Variants in AFF2 observed in about 807,000 individuals in gnomAD.
AFF2 encodes AF4/FMR2 family member 2.
A neutral mutation model predicts 76.9 loss-of-function variants in AFF2; 14 were observed. The observed-to-expected ratio is 0.18, with a 90% CI of 0.12 to 0.28. The LOEUF (loss-of-function observed/expected upper bound fraction) is 0.28, where lower values mean the gene tolerates loss of function less well. Among genes scored for constraint, AFF2 ranks in the 10% least tolerant of loss-of-function variants. The pLI is 1.00. For synonymous variants in AFF2, 398 were observed against 366.7 expected, an observed-to-expected ratio of 1.09 and a Z score of -0.98; for missense variants, 868 against 1,001.1, an observed-to-expected ratio of 0.87 and a Z score of 1.79.
chrX:148,502,363 T>C (rs2052363232), intron 1 of AFF2, among the ~76,000 whole-genome samples: 1 of 112,518 alleles, frequency 8.9e-6, no homozygotes, highest in Non-Finnish European at 1.9e-5. Flanking sequence ...ATTTCCTTCT[T>C]TAAAAAAGGG....
At position 148,662,107 on chromosome X, in the gene AFF2, A is replaced by T; in HGVS notation, c.380A>T (p.Gln127Leu). The change falls in exon 3 of 21, where the codon CAG becomes CTG. Residue 127 changes from glutamine (Q) to leucine (L), a missense_variant. Transcript: ENST00000370460. ...AAGAACAGAATAATTCCACCTCACC[A>T]GGATAATACCCATCCTTCAGCACCA... ...EQKNRIIPPH[Q>L]DNTHPSAPMP... is the part of the protein sequence containing the mutation. 3.3e-6 allele frequency: 4 copies of T among 1,208,721 alleles called. No homozygotes were observed. The highest frequency in any genetic ancestry group is 4.5e-6 in the Non-Finnish European group (4 of 892,562).
At chrX:148,939,745 G>T (rs1044923112) in intron 9 of AFF2, among the ~76,000 whole-genome samples, 1 of 111,550 alleles carries the variant, frequency 9.0e-6, no homozygotes, top group Non-Finnish European at 1.9e-5. Flanking sequence ...TACTTTCTTG[G>T]TATTAGCCAT....
chrX:148,777,461 C>T (rs1557268685), intron 3 of AFF2, among the ~76,000 whole-genome samples: 1 of 111,970 alleles, frequency 8.9e-6, no homozygotes, highest in Non-Finnish European at 1.9e-5. Flanking sequence ...TGGCCATTTT[C>T]AGGATATTAA....
intron 3 of AFF2, among the ~76,000 whole-genome samples, chrX:148,734,126 C>T (rs925184109): frequency 8.9e-6 from 1 of 111,907 alleles, no homozygotes; most frequent in Non-Finnish European, 1.9e-5. Flanking sequence ...TTGCTCTGCA[C>T]TTTATTTGCC....
chrX:148,732,178 T>C (rs1388700550), intron 3 of AFF2, among the ~76,000 whole-genome samples: 3 of 82,733 alleles, frequency 3.6e-5, no homozygotes, highest in African/African-American at 6.6e-5. Context: ...CCAACCCAAA[T>C]GTCCAACAAT....
chrX:148,573,422 A>AACG (rs1455280586), intron 1 of AFF2, among the ~76,000 whole-genome samples: 2 of 111,279 alleles, frequency 1.8e-5, no homozygotes, highest in African/African-American at 6.5e-5. Context: ...CTTCTAGACC[A>AACG]ACGTATAGTT....
chrX:148,589,801 A>C (rs187126643), intron 1 of AFF2, among the ~76,000 whole-genome samples: 1 of 110,393 alleles, frequency 9.1e-6, no homozygotes, highest in African/African-American at 3.3e-5. Flanking sequence ...CTGTGAAAAA[A>C]TACCAGTATA....
At chrX:148,757,464 G>A (rs183687619) in intron 3 of AFF2, among the ~76,000 whole-genome samples, 176 of 111,351 alleles carry the variant, frequency 1.6e-3, no homozygotes, top group African/African-American at 4.7e-3. Context: ...TTAAAGCACC[G>A]TATATACATA....
At position 148,547,907 on chromosome X, in the gene AFF2, C is replaced by T. The variant is rs190375512; in HGVS notation, c.47+46763C>T. On this transcript the variant is annotated intron_variant, in intron 1 of 20. Coordinates refer to ENST00000370460, the MANE Select transcript of AFF2 (RefSeq NM_002025.4). Reference sequence around the variant, plus strand: ...TCTATTAGTTCTACCTGTCTATCTACGTGTGTACCAAGAAGAGGGTCACTT... The same window carrying T: ...TCTATTAGTTCTACCTGTCTATCTATGTGTGTACCAAGAAGAGGGTCACTT... Among the ~76,000 whole-genome samples, 24 of 111,919 alleles carry T rather than the reference C, an allele frequency of 2.1e-4. No individual in the cohort carries two copies. The East Asian group carries it at 4.5e-3, about 21-fold the overall frequency.
intron 4 of AFF2, among the ~76,000 whole-genome samples, chrX:148,811,713 C>T (rs782428068): frequency 1.3e-4 from 14 of 111,904 alleles, no homozygotes; most frequent in African/African-American, 3.9e-4. Context: ...TTAAAAGCAA[C>T]CCAGCCCTGG....
At chrX:148,534,807 G>A (rs1222362482) in intron 1 of AFF2, among the ~76,000 whole-genome samples, 5 of 112,022 alleles carry the variant, frequency 4.5e-5, no homozygotes, top group Non-Finnish European at 1.9e-5. Flanking sequence ...CAGAAGTTTT[G>A]ATCCTCAAAA....
At position 148,550,515 on chromosome X, in the gene AFF2, G is replaced by A. The variant is rs181079133; in HGVS notation, c.47+49371G>A. 2.7e-5 allele frequency among the ~76,000 whole-genome samples: 3 copies of A among 111,655 alleles called. No individual in the cohort carries two copies. In the East Asian group the frequency reaches 8.5e-4, roughly 32 times the overall value. On this transcript the variant is annotated intron_variant, in intron 1 of 20. Coordinates refer to ENST00000370460, the MANE Select transcript of AFF2 (RefSeq NM_002025.4). ...AGCAAGTAAAAAAAGACACAAGCAT[G>A]TATCAAATATGACCCCTATTTTATC...
intron 3 of AFF2, among the ~76,000 whole-genome samples, chrX:148,702,511 G>A (rs782241803): frequency 5.4e-5 from 6 of 111,578 alleles, no homozygotes; most frequent in African/African-American, 9.8e-5. Context: ...TGCTTTATCT[G>A]TTCCTTCAGT....
At chrX:148,971,126 GTTTTTT>G (rs142941450) in intron 15 of AFF2, among the ~76,000 whole-genome samples, 7 of 69,155 alleles carry the variant, frequency 1.0e-4, no homozygotes, top group Non-Finnish European at 1.7e-4. Context: ...TAACTTCATT[GTTTTTT>G]TTTTTTTTTT....
intron 7 of AFF2, among the ~76,000 whole-genome samples, chrX:148,883,101 G>A (rs1205109512): frequency 9.0e-6 from 1 of 111,226 alleles, no homozygotes; most frequent in Non-Finnish European, 1.9e-5. Context: ...ATGTTGATTG[G>A]AGAGTAAAAT....
At chrX:148,547,481 A>G (rs1557238314) in intron 1 of AFF2, 1 of 112,203 alleles carries the variant, frequency 8.9e-6, no homozygotes, top group African/African-American at 3.2e-5. Context: ...AGCTGAAAGT[A>G]AGAAGGATTT....
chrX:148,709,772 G>T (rs185034351), intron 3 of AFF2, among the ~76,000 whole-genome samples: 108 of 111,754 alleles, frequency 9.7e-4, no homozygotes, highest in African/African-American at 3.1e-3. Flanking sequence ...AAGTTTGCAT[G>T]TTCTCTGAAG....
chrX:148,766,823 T>C (rs2069525460), intron 3 of AFF2, among the ~76,000 whole-genome samples: 1 of 112,011 alleles, frequency 8.9e-6, no homozygotes, highest in Non-Finnish European at 1.9e-5. Flanking sequence ...CATTGTCAGA[T>C]TTCTTGTTGA....
At position 148,524,123 on chromosome X, in the gene AFF2, CTGTGTGTGTG is replaced by C. The variant is rs59890095; in HGVS notation, c.47+23004_47+23013del. On this transcript the variant is annotated intron_variant, in intron 1 of 20. Transcript: ENST00000370460. The stretch of plus-strand genomic sequence containing the variant: ...TCTCTCTCTCTCTCTCTCTCTCTCT[CTGTGTGTGTG>C]TGTGTGTGTGTGTGTGTGTGTGTGG... Among the ~76,000 whole-genome samples the C allele has an allele frequency of 9.6e-5, 8 of 83,461 alleles. No homozygotes were observed. The East Asian group carries it at 1.4e-3, about 14-fold the overall frequency. The allele number at this position is 83,461 out of a possible 115,157, so 72.5% of individuals were successfully genotyped here.
Sources: gnomAD v4.1 joint callset for allele counts (sites outside exome capture counted in the v4.1 genomes callset) on GRCh38, gnomAD v4.1.1 for gene constraint, MANE v1.5 for transcripts, NCBI Gene and HGNC (gene_info 2026-07-23, HGNC 2026-07-21) for gene names.